KDF1: variants seen among roughly 807,000 people sequenced by gnomAD.
KDF1 encodes RP11-344H11.3.
In KDF1, 11 loss-of-function variants were observed where a neutral mutation model predicts 31.6. The observed-to-expected ratio is 0.35, with a 90% CI of 0.22 to 0.58. The LOEUF (loss-of-function observed/expected upper bound fraction) is 0.58. Ranked by LOEUF, KDF1 falls within the 20% of genes least tolerant of loss-of-function variation. KDF1 has a pLI of 0.83. For missense variants in KDF1, 476 were observed against 549.1 expected, an observed-to-expected ratio of 0.87 and a Z score of 1.33; for synonymous variants, 205 against 214.4, an observed-to-expected ratio of 0.96 and a Z score of 0.38.
rs202145629 is a variant in KDF1, at chr1:26,952,198, G to A, written c.183C>T (p.Ile61=). Residue 61 remains isoleucine, a synonymous_variant, in exon 2 of 4, where the codon ATC becomes ATT. Coordinates refer to ENST00000320567, the MANE Select transcript of KDF1 (RefSeq NM_152365.3). The surrounding 1 kb of genome is among the most constrained non-coding windows in gnomAD (Gnocchi z 4.1). ...GHHGPESITF[I]SGSAEPALES... ...CAAGGGCCGGCTCAGCAGAGCCAGA[G>A]ATGAAGGTAATGCTCTCTGGCCCAT... 2.5e-6 allele frequency: 4 copies of A among 1,613,074 alleles called. No individual in the cohort carries two copies. The highest frequency in any genetic ancestry group is 1.7e-5 in the Admixed American group (1 of 59,988).
chr1:26,953,845 C>T (rs932170188), intron 1 of KDF1, among the ~76,000 whole-genome samples: 1 of 151,812 alleles, frequency 6.6e-6, no homozygotes, highest in Non-Finnish European at 1.5e-5. Flanking sequence ...GTCCTAGTTA[C>T]CTGGGGGACT....
At chr1:26,958,059 A>G (rs1394126587) in intron 1 of KDF1, among the ~76,000 whole-genome samples, 1 of 148,924 alleles carries the variant, frequency 6.7e-6, no homozygotes. Context: ...TCAAGTATCC[A>G]CCTGCCTCAG....
rs369560483 is a variant in KDF1, at chr1:26,950,100, G to A, written c.1166C>T (p.Ser389Leu). Reference protein sequence around the residue: ...SSFQGTDTDSSGAPLLQVYC With the variant: ...SSFQGTDTDSLGAPLLQVYC Reference sequence around the variant, plus strand: ...GTACACCTGGAGCAAGGGTGCCCCCGACGAGTCTGTGTCGGTGCCCTGGAA... The same window carrying A: ...GTACACCTGGAGCAAGGGTGCCCCCAACGAGTCTGTGTCGGTGCCCTGGAA... Residue 389 changes from serine (S) to leucine (L), a missense_variant, in exon 4 of 4, where the codon TCG (serine) becomes TTG (leucine). By Grantham distance (145) the Ser-to-Leu change is moderately radical. Around this residue, in one of 2 missense-constraint regions of KDF1, gnomAD observed 146 missense variants for 216.8 expected, o/e 0.67. Transcript: ENST00000320567. The surrounding 1 kb of genome is among the most constrained non-coding windows in gnomAD (Gnocchi z 4.0). The A allele has an allele frequency of 6.8e-6, 11 of 1,613,776 alleles. No homozygotes were observed. Among genetic ancestry groups the A allele is most frequent in the East Asian group, 2.2e-5 (1 of 44,882 alleles).
At position 26,951,877 on chromosome 1, in the gene KDF1, G is replaced by T; in HGVS notation, c.504C>A (p.Gly168=). Residue 168 remains glycine, a synonymous_variant, in exon 2 of 4, where the codon GGC becomes GGA. Coordinates refer to ENST00000320567, the MANE Select transcript of KDF1 (RefSeq NM_152365.3). This position sits in a 1 kb window ranked among gnomAD's most constrained non-coding sequence, Gnocchi z 5.4. ...SFSYPDVKLK[G]IPVYPYPRAT... ...CCCTCGGGTAGGGATACACAGGGAT[G>T]CCTTTGAGCTTAACATCGGGGTAGC... The T allele has an allele frequency of 6.2e-7, 1 of 1,612,304 alleles. No homozygotes were observed.
At position 26,951,417 on chromosome 1, in the gene KDF1, G is replaced by A. The variant is rs370336022; in HGVS notation, c.964C>T (p.Arg322Trp). Residue 322 changes from arginine to tryptophan, a missense_variant, in exon 2 of 4, where the codon CGG becomes TGG. Physicochemically the swap from Arg to Trp is moderately radical, Grantham distance 101 (BLOSUM62 -3). Coordinates refer to ENST00000320567, the MANE Select transcript of KDF1 (RefSeq NM_152365.3). This position sits in a 1 kb window ranked among gnomAD's most constrained non-coding sequence, Gnocchi z 5.4. ...RPQTSEGRSTRAAAPTAAAPD... is the reference protein window; with the variant it reads ...RPQTSEGRSTWAAAPTAAAPD... Reference sequence around the variant, plus strand: ...GCAGCAGCGGTTGGGGCAGCAGCCCGAGTTGAACGACCCTCCGAGGTCTGT... The same window carrying A: ...GCAGCAGCGGTTGGGGCAGCAGCCCAAGTTGAACGACCCTCCGAGGTCTGT... 1.1e-5 allele frequency: 17 copies of A among 1,611,572 alleles called. No individual in the cohort carries two copies. The highest frequency in any genetic ancestry group is 1.3e-5 in the African/African-American group (1 of 74,884).
intron 1 of KDF1, among the ~76,000 whole-genome samples, chr1:26,954,483 C>G (rs1425765007): frequency 6.6e-6 from 1 of 151,730 alleles, no homozygotes; most frequent in Admixed American, 6.5e-5. Context: ...CTCAGCCTCC[C>G]AAAGTACTGA....
rs780718896 is a variant in KDF1 at position 26,951,721 on chromosome 1, A to G, written c.660T>C (p.His220=). 34 of 1,613,782 alleles carry G rather than the reference A, an allele frequency of 2.1e-5. No individual in the cohort carries two copies. Among genetic ancestry groups the G allele is most frequent in the Non-Finnish European group, 2.9e-5 (34 of 1,180,024 alleles). ...TCTCCGGCAGGTCCAGGTCCGACTC[A>G]TGGAAAGAATAGTACTCCTCGGAGC... ...PRGSEEYYSF[H]ESDLDLPEMG... Residue 220 remains histidine, a synonymous_variant, in exon 2 of 4, where the codon CAT becomes CAC. Coordinates refer to ENST00000320567, the MANE Select transcript of KDF1 (RefSeq NM_152365.3). This position sits in a 1 kb window ranked among gnomAD's most constrained non-coding sequence, Gnocchi z 5.4.
intron 1 of KDF1, among the ~76,000 whole-genome samples, chr1:26,959,280 C>T (rs1379271498): frequency 6.6e-6 from 1 of 152,158 alleles, no homozygotes; most frequent in East Asian, 1.9e-4. Context: ...GCCATTGAAC[C>T]CTCCTGAAGT....
Position 26,952,057 on chromosome 1 carries a change from T to A in KDF1, c.324A>T (p.Gly108=), listed in dbSNP as rs757910529. The part of the protein sequence containing the change: ...CLQRCGACVR[G]CSPCLSTEDS... ...CCTCAGTAGACAGGCAGGGGCTGCA[T>A]CCCCGCACACAGGCTCCACAGCGCT... The change falls in exon 2 of 4, where the codon GGA becomes GGT. Residue 108 remains glycine (G), a synonymous_variant. Coordinates refer to ENST00000320567, the MANE Select transcript of KDF1 (RefSeq NM_152365.3). The surrounding 1 kb of genome is among the most constrained non-coding windows in gnomAD (Gnocchi z 4.1). The A allele has an allele frequency of 6.2e-7, 1 of 1,613,352 alleles. No homozygotes were observed. The highest frequency in any genetic ancestry group is 8.5e-7 in the Non-Finnish European group (1 of 1,179,884).
At chr1:26,959,350 A>C (rs1036574807) in intron 1 of KDF1, among the ~76,000 whole-genome samples, 1 of 149,520 alleles carries the variant, frequency 6.7e-6, no homozygotes, top group Non-Finnish European at 1.5e-5. Flanking sequence ...CCGCCCCGCC[A>C]CCACCCCGCC....
At position 26,952,810 on chromosome 1, in the gene KDF1, G is replaced by A. The variant is rs564019545; in HGVS notation, c.-32-398C>T. ...AACCTGACTAACATGGTGAAACTCC[G>A]TCTCTACTAAAAATACAAAAAAAAT... On this transcript the variant is annotated intron_variant, in intron 1 of 3. Coordinates refer to ENST00000320567, the MANE Select transcript of KDF1 (RefSeq NM_152365.3). The surrounding 1 kb of genome is among the most constrained non-coding windows in gnomAD (Gnocchi z 4.1). Among the ~76,000 whole-genome samples the A allele has an allele frequency of 3.4e-4, 51 of 152,018 alleles. No homozygotes were observed. The highest frequency in any genetic ancestry group is 3.4e-3 in the Middle Eastern group (1 of 294).
At chr1:26,954,224 GT>G (rs544512521) in intron 1 of KDF1, among the ~76,000 whole-genome samples, 701 of 134,676 alleles carry the variant, frequency 5.2e-3, no homozygotes, top group African/African-American at 0.01. Flanking sequence ...GCTTAAATAT[GT>G]TTTTTTTTTT....
Position 26,950,658 on chromosome 1 carries a change from C to T in KDF1, c.1114+24G>A, listed in dbSNP as rs754527168. 3 of 1,603,076 alleles carry T rather than the reference C, an allele frequency of 1.9e-6. No individual in the cohort carries two copies. The highest frequency in any genetic ancestry group is 2.6e-6 in the Non-Finnish European group (3 of 1,170,156). On this transcript the variant is annotated intron_variant, in intron 3 of 3. Coordinates refer to ENST00000320567, the MANE Select transcript of KDF1 (RefSeq NM_152365.3). This position sits in a 1 kb window ranked among gnomAD's most constrained non-coding sequence, Gnocchi z 4.0. Reference sequence around the variant, plus strand: ...CTAGGGTAGTCCCCCACCCTCCACACCCCTCATTAGGTCAAGACCACACCT... The same window carrying T: ...CTAGGGTAGTCCCCCACCCTCCACATCCCTCATTAGGTCAAGACCACACCT...
rs368075916 is a variant in KDF1 at position 26,951,963 on chromosome 1, G to A, written c.418C>T (p.Arg140Cys). ...CCATCCCGCCGGCTGGGGGGTGCACGATCAGGGCTGGGGGGCACTCCATTG... is the reference window on the plus strand; with the variant it reads ...CCATCCCGCCGGCTGGGGGGTGCACAATCAGGGCTGGGGGGCACTCCATTG... ...EHNGVPPSPD[R>C]APPSRRDGQR... Residue 140 changes from arginine (R) to cysteine (C), a missense_variant, in exon 2 of 4, where the codon CGT (arginine) becomes TGT (cysteine). By Grantham distance (180) the Arg-to-Cys change is radical. Around this residue, in one of 2 missense-constraint regions of KDF1, gnomAD observed 330 missense variants for 332.3 expected, o/e 0.99. Coordinates refer to ENST00000320567, the MANE Select transcript of KDF1 (RefSeq NM_152365.3). This position sits in a 1 kb window ranked among gnomAD's most constrained non-coding sequence, Gnocchi z 5.4. 5.0e-6 allele frequency: 8 copies of A among 1,606,832 alleles called. No individual in the cohort carries two copies. Among genetic ancestry groups the A allele is most frequent in the Non-Finnish European group, 6.8e-6 (8 of 1,174,878 alleles).
chr1:26,950,648 A>G lies in KDF1; in HGVS notation c.1114+34T>C. 1 of 1,373,534 alleles carries G rather than the reference A, an allele frequency of 7.3e-7. No homozygotes were observed. The highest frequency in any genetic ancestry group is 2.3e-5 in the East Asian group (1 of 43,158). 85.1% of individuals were successfully genotyped at this position (1,373,534 alleles called of 1,614,324 possible). On this transcript the variant is annotated intron_variant, in intron 3 of 3. Coordinates refer to ENST00000320567, the MANE Select transcript of KDF1 (RefSeq NM_152365.3). The surrounding 1 kb of genome is among the most constrained non-coding windows in gnomAD (Gnocchi z 4.0). ...TGAGGGGCCCCTAGGGTAGTCCCCC[A>G]CCCTCCACACCCCTCATTAGGTCAA...
intron 1 of KDF1, among the ~76,000 whole-genome samples, chr1:26,955,692 C>T (rs2082374397): frequency 6.6e-6 from 1 of 152,226 alleles, no homozygotes; most frequent in Non-Finnish European, 1.5e-5. Context: ...CACAGTGGCT[C>T]ATGCCGGTAA....
Position 26,951,021 on chromosome 1 carries a change from T to C in KDF1, c.1040-265A>G, listed in dbSNP as rs1453031705. Among the ~76,000 whole-genome samples, 1 of 152,204 alleles carries C rather than the reference T, an allele frequency of 6.6e-6. No individual in the cohort carries two copies. The highest frequency in any genetic ancestry group is 1.5e-5 in the Non-Finnish European group (1 of 68,032). On this transcript the variant is annotated intron_variant, in intron 2 of 3. Transcript: ENST00000320567. The surrounding 1 kb of genome is among the most constrained non-coding windows in gnomAD (Gnocchi z 5.4). ...TCACCAGACCAGGCCTAGAAGCTAC[T>C]CTGGCAGGAGACAGCAGAGGAGAGG... is the stretch of plus-strand genomic sequence containing the variant.
chr1:26,956,360 T>A (rs879662628), intron 1 of KDF1, among the ~76,000 whole-genome samples: 5 of 152,270 alleles, frequency 3.3e-5, no homozygotes, highest in Admixed American at 1.3e-4. Context: ...GCCACTTCCA[T>A]TCCCTCTTAC....
Position 26,952,008 on chromosome 1 carries a change from C to T in KDF1, c.373G>A (p.Ala125Thr). Residue 125 changes from alanine (A) to threonine (T), a missense_variant, in exon 2 of 4, where the codon GCC (alanine) becomes ACC (threonine). Ala to Thr is a moderately conservative substitution (Grantham distance 58). Coordinates refer to ENST00000320567, the MANE Select transcript of KDF1 (RefSeq NM_152365.3). This position sits in a 1 kb window ranked among gnomAD's most constrained non-coding sequence, Gnocchi z 4.1. ...CCATTGTGCTCCTTGGCCCAGTTGG[C>T]TTCAGCAGTCCCCTCAGTGGAGTCC... ...TEDSTEGTAEANWAKEHNGVP... is the reference protein window; with the variant it reads ...TEDSTEGTAETNWAKEHNGVP... The T allele has an allele frequency of 6.2e-7, 1 of 1,612,888 alleles. No homozygotes were observed. Among genetic ancestry groups the T allele is most frequent in the African/African-American group, 1.3e-5 (1 of 75,034 alleles).
Sources: gnomAD v4.1 joint callset for allele counts (sites outside exome capture counted in the v4.1 genomes callset) on GRCh38, gnomAD v4.1.1 for gene constraint, gnomAD v4.1.1 regional missense constraint, Gnocchi (gnomAD v3.1) non-coding constraint, MANE v1.5 for transcripts, NCBI Gene and HGNC (gene_info 2026-07-23, HGNC 2026-07-21) for gene names.